The following PLXNA2 variants were observed in gnomAD, a reference collection of about 807,000 sequenced individuals.
PLXNA2 encodes the protein plexin-A2.
In PLXNA2, 91 loss-of-function variants were observed where a neutral mutation model predicts 193.5. The ratio of observed to expected loss-of-function variants is 0.47; its 90% CI spans 0.40 to 0.56. PLXNA2 has a LOEUF of 0.56. PLXNA2 is among the 20% of genes least tolerant of loss of function. The pLI is 0.00. For synonymous variants in PLXNA2, 997 were observed against 1,027.3 expected, an observed-to-expected ratio of 0.97 and a Z score of 0.56; for missense variants, 1,995 against 2,503.2, an observed-to-expected ratio of 0.80 and a Z score of 4.33.
At chr1:208,091,401 A>G (rs1006367726) in intron 9 of PLXNA2, among the ~76,000 whole-genome samples, 1 of 152,230 alleles carries the variant, frequency 6.6e-6, no homozygotes, top group Non-Finnish European at 1.5e-5. Flanking sequence ...GAAATCTTAG[A>G]CAAGTTGACA....
intron 4 of PLXNA2, among the ~76,000 whole-genome samples, chr1:208,118,714 TG>T (rs1667716637): frequency 6.6e-6 from 1 of 151,924 alleles, no homozygotes. Context: ...GAGGGGAACC[TG>T]GGGGAGATAG....
rs34577290 is a variant in PLXNA2, at chr1:208,026,652, C to CT, written c.*590dup. 0.32 allele frequency: 45,590 copies of CT among 140,568 alleles called. 7,768 individuals are homozygous for CT. Among genetic ancestry groups the CT allele is most frequent in the East Asian group, 0.66 (3,072 of 4,628 alleles). The allele number at this position is 140,568 out of a possible 1,614,324, so 8.7% of individuals were successfully genotyped here. Reference sequence around the variant, plus strand: ...TCATCATTCTTCTTCTCCTCTTTCTCTTTTTTTTTTTTTTTTTAATTTCAA... The same window carrying CT: ...TCATCATTCTTCTTCTCCTCTTTCTCTTTTTTTTTTTTTTTTTTAATTTCAA... On this transcript the variant is annotated 3_prime_UTR_variant, in exon 32 of 32. Transcript: ENST00000367033.
At position 208,120,618 on chromosome 1, in the gene PLXNA2, T is replaced by C. The variant is rs188121439; in HGVS notation, c.1507-17371A>G. Among the ~76,000 whole-genome samples the C allele has an allele frequency of 1.8e-3, 277 of 152,298 alleles. 1 individual carries two copies. Among genetic ancestry groups the C allele is most frequent in the African/African-American group, 5.6e-3 (234 of 41,574 alleles). On this transcript the variant is annotated intron_variant, in intron 4 of 31. Coordinates refer to ENST00000367033, the MANE Select transcript of PLXNA2 (RefSeq NM_025179.4). ...GCCTTGGTAAGATGAATGAGGACTTTTGTTTCAGCCCCTACTTGCCCCTCA... is the reference window on the plus strand; with the variant it reads ...GCCTTGGTAAGATGAATGAGGACTTCTGTTTCAGCCCCTACTTGCCCCTCA...
At chr1:208,140,470 C>T (rs1003820589) in intron 4 of PLXNA2, among the ~76,000 whole-genome samples, 1 of 152,170 alleles carries the variant, frequency 6.6e-6, no homozygotes, top group African/African-American at 2.4e-5. Context: ...CAGAGCTACC[C>T]GCCTGGTCCT....
chr1:208,067,083 G>A (rs920350209), intron 12 of PLXNA2, among the ~76,000 whole-genome samples: 2 of 152,190 alleles, frequency 1.3e-5, no homozygotes, highest in African/African-American at 2.4e-5. Flanking sequence ...AGTGGCTCAT[G>A]CCTGTAATCC....
intron 29 of PLXNA2, chr1:208,031,124 A>G (rs771096336): frequency 2.0e-5 from 20 of 999,276 alleles, no homozygotes; most frequent in South Asian, 4.3e-5. Context: ...GTGCTGACCA[A>G]CTTCACCGGG....
chr1:208,045,566 T>G (rs57929647), intron 18 of PLXNA2, among the ~76,000 whole-genome samples: 1,612 of 152,292 alleles, frequency 0.011, 28 homozygotes, highest in African/African-American at 0.038. Flanking sequence ...AATGTGTGTG[T>G]GGGCTCCTGT....
At chr1:208,205,981 T>C (rs1483845909) in intron 3 of PLXNA2, among the ~76,000 whole-genome samples, 3 of 152,204 alleles carry the variant, frequency 2.0e-5, no homozygotes, top group Non-Finnish European at 4.4e-5. Flanking sequence ...TTTATTATTA[T>C]TTTTTAACCT....
chr1:208,213,146 T>C (rs889414152), intron 2 of PLXNA2, among the ~76,000 whole-genome samples: 6 of 151,330 alleles, frequency 4.0e-5, no homozygotes, highest in Non-Finnish European at 7.4e-5. Flanking sequence ...TTATTGATTC[T>C]AGTATCTCCA....
In PLXNA2 at chr1:208,236,290, G is replaced by GT. The variant is rs1256192347; in HGVS notation, c.-81+7352_-81+7353insA. Among the ~76,000 whole-genome samples, 1 of 152,176 alleles carries GT rather than the reference G, an allele frequency of 6.6e-6. No individual in the cohort carries two copies. Among genetic ancestry groups the GT allele is most frequent in the Non-Finnish European group, 1.5e-5 (1 of 68,028 alleles). On this transcript the variant is annotated intron_variant, in intron 1 of 31. Transcript: ENST00000367033. The surrounding 1 kb of genome is among the most constrained non-coding windows in gnomAD (Gnocchi z 4.4). ...CTCAGGAGAAAAAAATGGGAAACCG[G>GT]GGAGCAGTCAGGGGAGGTGGGAGGT...
intron 3 of PLXNA2, among the ~76,000 whole-genome samples, chr1:208,148,340 T>C (rs916845795): frequency 6.6e-6 from 1 of 152,120 alleles, no homozygotes; most frequent in African/African-American, 2.4e-5. Context: ...TTGGGTTTCT[T>C]AGTAGCAAAG....
At chr1:208,039,501 C>T in intron 24 of PLXNA2, 120 bp downstream of exon 24, 1 of 1,418,486 alleles carries the variant, frequency 7.0e-7, no homozygotes, top group Non-Finnish European at 9.7e-7. Flanking sequence ...TTTGGGCTCA[C>T]CCCAGACCAG....
chr1:208,080,586 A>G (rs1197267122), intron 11 of PLXNA2, among the ~76,000 whole-genome samples: 3 of 152,196 alleles, frequency 2.0e-5, no homozygotes, highest in Non-Finnish European at 4.4e-5. Flanking sequence ...AATTCTTCCC[A>G]TAGGTCCTCA....
In PLXNA2 at chr1:208,044,747, G is replaced by T; in HGVS notation, c.3640-5C>A. 1.2e-6 allele frequency: 2 copies of T among 1,608,682 alleles called. No homozygotes were observed. The highest frequency in any genetic ancestry group is 1.1e-5 in the South Asian group (1 of 90,610). On this transcript the variant is annotated splice_region_variant and splice_polypyrimidine_tract_variant and intron_variant, in intron 19 of 31. Coordinates refer to ENST00000367033, the MANE Select transcript of PLXNA2 (RefSeq NM_025179.4). The surrounding 1 kb of genome is among the most constrained non-coding windows in gnomAD (Gnocchi z 4.9). ...CACCATCCCGCCCACGTGAACCTGT[G>T]CATTGTACACATACAGACGCACATG...
At chr1:208,053,141 C>T (rs1232588065) in intron 14 of PLXNA2, among the ~76,000 whole-genome samples, 1 of 152,244 alleles carries the variant, frequency 6.6e-6, no homozygotes, top group Non-Finnish European at 1.5e-5. Flanking sequence ...AAAAGAATTG[C>T]TTCTGCCTGG....
At chr1:208,174,361 G>C (rs1669591344) in intron 3 of PLXNA2, among the ~76,000 whole-genome samples, 1 of 151,692 alleles carries the variant, frequency 6.6e-6, no homozygotes, top group Admixed American at 6.6e-5. Context: ...GAGGCGCCTG[G>C]GGGAGGGAAG....
At chr1:208,058,630 C>T (rs1023762599) in intron 13 of PLXNA2, among the ~76,000 whole-genome samples, 1 of 152,154 alleles carries the variant, frequency 6.6e-6, no homozygotes, top group Admixed American at 6.5e-5. Flanking sequence ...GGGGTGTGCT[C>T]TCTGTCTTCT....
chr1:208,144,179 C>T (rs2102487230), intron 3 of PLXNA2, among the ~76,000 whole-genome samples: 1 of 152,334 alleles, frequency 6.6e-6, no homozygotes, highest in African/African-American at 2.4e-5. Context: ...GCTCCTCAGG[C>T]CAAGGCACCA....
intron 2 of PLXNA2, among the ~76,000 whole-genome samples, chr1:208,214,794 C>T (rs185114517): frequency 6.6e-6 from 1 of 152,130 alleles, no homozygotes; most frequent in Non-Finnish European, 1.5e-5. Flanking sequence ...ATGAGCTAGG[C>T]ATTATTATTT....
Sources: gnomAD v4.1 joint callset for allele counts (sites outside exome capture counted in the v4.1 genomes callset) on GRCh38, gnomAD v4.1.1 for gene constraint, Gnocchi (gnomAD v3.1) non-coding constraint, MANE v1.5 for transcripts, NCBI Gene and HGNC (gene_info 2026-07-23, HGNC 2026-07-21) for gene names.